Variants in DSCAML1 observed in about 807,000 individuals in gnomAD.
DSCAML1 encodes the protein DS cell adhesion molecule like 1.
DSCAML1 carries 38 observed loss-of-function variants against 200.5 expected under a neutral mutation model. That is an observed-to-expected ratio of 0.19 (90% CI 0.15 to 0.25). DSCAML1 has a LOEUF of 0.25. Among genes scored for constraint, DSCAML1 ranks in the 10% least tolerant of loss-of-function variants. The pLI is 1.00. For synonymous variants in DSCAML1, 1,215 were observed against 1,165.0 expected (o/e 1.04, Z -0.87); for missense variants, 2,223 against 2,858.8 (o/e 0.78, Z 5.07).
At chr11:117,782,293 T>C (rs1288500750) in intron 1 of DSCAML1, among the ~76,000 whole-genome samples, 1 of 152,136 alleles carries the variant, frequency 6.6e-6, no homozygotes, top group African/African-American at 2.4e-5. Context: ...ATTCACATCG[T>C]CTCATAAAAG....
intron 3 of DSCAML1, among the ~76,000 whole-genome samples, chr11:117,722,900 C>T (rs1408131821): frequency 6.6e-6 from 1 of 152,172 alleles, no homozygotes; most frequent in Non-Finnish European, 1.5e-5. Flanking sequence ...CATCTCATGT[C>T]CTACCCATAA....
intron 1 of DSCAML1, among the ~76,000 whole-genome samples, chr11:117,787,454 C>T (rs2055378669): frequency 1.3e-5 from 2 of 152,204 alleles, no homozygotes; most frequent in African/African-American, 4.8e-5. Context: ...GGTTCTCAAA[C>T]ATCAGTATGC....
chr11:117,696,388 G>A (rs1327684505), intron 3 of DSCAML1, among the ~76,000 whole-genome samples: 1 of 152,194 alleles, frequency 6.6e-6, no homozygotes, highest in Non-Finnish European at 1.5e-5. Context: ...ATGAAGTGGG[G>A]ATTGAAGAAA....
At chr11:117,467,219 A>G (rs2048601560) in intron 16 of DSCAML1, among the ~76,000 whole-genome samples, 1 of 91,106 alleles carries the variant, frequency 1.1e-5, no homozygotes, top group Non-Finnish European at 1.9e-5. Flanking sequence ...CGCCGCCAAT[A>G]TATCCATTCA....
intron 3 of DSCAML1, among the ~76,000 whole-genome samples, chr11:117,753,644 G>T (rs1349369775): frequency 6.6e-6 from 1 of 152,186 alleles, no homozygotes; most frequent in Non-Finnish European, 1.5e-5. Context: ...CAAGTGTGAT[G>T]CGTGGCTAAG....
At chr11:117,551,954 T>C (rs575000648) in intron 3 of DSCAML1, among the ~76,000 whole-genome samples, 1 of 150,528 alleles carries the variant, frequency 6.6e-6, no homozygotes, top group East Asian at 2.0e-4. Context: ...TCTCCGTGGC[T>C]AATCCTGTTA....
intron 3 of DSCAML1, among the ~76,000 whole-genome samples, chr11:117,776,109 G>A (rs10160554): frequency 0.63 from 95,592 of 152,020 alleles, 32,881 homozygotes; most frequent in East Asian, 0.82. Context: ...CCTCTCTTGG[G>A]GCTTCTATAC....
intron 3 of DSCAML1, among the ~76,000 whole-genome samples, chr11:117,535,002 C>G (rs962347932): frequency 6.6e-6 from 1 of 152,190 alleles, no homozygotes. Context: ...TTGCCCCTCC[C>G]TCCCTCCTTT....
At chr11:117,764,151 G>T (rs899203630) in intron 3 of DSCAML1, among the ~76,000 whole-genome samples, 2 of 152,028 alleles carry the variant, frequency 1.3e-5, no homozygotes, top group African/African-American at 4.8e-5. Context: ...CCCTAACAGG[G>T]CTCATGAAAC....
intron 18 of DSCAML1, among the ~76,000 whole-genome samples, 189 bp downstream of exon 18, chr11:117,461,261 C>T (rs1259472820): frequency 2.6e-5 from 4 of 152,076 alleles, no homozygotes; most frequent in African/African-American, 7.2e-5. Flanking sequence ...ATCCCGAGCC[C>T]CTTCCTCACT....
intron 3 of DSCAML1, among the ~76,000 whole-genome samples, chr11:117,574,124 T>C (rs1383968850): frequency 1.3e-5 from 2 of 152,224 alleles, no homozygotes; most frequent in East Asian, 3.9e-4. Flanking sequence ...TGGGCCACTC[T>C]GGCAGCTGCA....
chr11:117,435,808 G>A lies in DSCAML1; in HGVS notation c.4721-9C>T, dbSNP rs749078609. The A allele has an allele frequency of 5.0e-6, 8 of 1,598,842 alleles. No homozygotes were observed. The highest frequency in any genetic ancestry group is 4.4e-5 in the South Asian group (4 of 90,274). On this transcript the variant is annotated splice_polypyrimidine_tract_variant and intron_variant, in intron 26 of 32. Transcript: ENST00000651296. ...GATGGGTGGAATGGTGCCTGAATGA[G>A]GGCAAAGAATAGAATTAGATGTCCC... is the stretch of plus-strand genomic sequence containing the variant.
chr11:117,764,653 C>T (rs868422783), intron 3 of DSCAML1, among the ~76,000 whole-genome samples: 2 of 152,240 alleles, frequency 1.3e-5, no homozygotes, highest in African/African-American at 4.8e-5. Context: ...TACAGGCTGA[C>T]GGAACCAGAA....
intron 1 of DSCAML1, among the ~76,000 whole-genome samples, chr11:117,803,223 T>C (rs1447340601): frequency 6.6e-6 from 1 of 152,132 alleles, no homozygotes; most frequent in African/African-American, 2.4e-5. Context: ...GAACCAGAAG[T>C]TGTATCACAG....
intron 3 of DSCAML1, among the ~76,000 whole-genome samples, chr11:117,762,317 T>C (rs1053370964): frequency 6.6e-6 from 1 of 152,176 alleles, no homozygotes. Flanking sequence ...AGGAAACAGA[T>C]AAAACACTCT....
chr11:117,622,711 C>T (rs2051958042), intron 3 of DSCAML1, among the ~76,000 whole-genome samples: 1 of 152,148 alleles, frequency 6.6e-6, no homozygotes, highest in African/African-American at 2.4e-5. Context: ...GACCCAGACT[C>T]TTTAGCAAAA....
intron 3 of DSCAML1, among the ~76,000 whole-genome samples, chr11:117,773,550 C>T (rs2055076322): frequency 6.6e-6 from 1 of 151,824 alleles, no homozygotes; most frequent in African/African-American, 2.4e-5. Context: ...CACACACACA[C>T]ACACACACAC....
intron 3 of DSCAML1, among the ~76,000 whole-genome samples, chr11:117,595,825 G>A (rs58016951): frequency 0.079 from 11,945 of 151,938 alleles, 502 homozygotes; most frequent in Middle Eastern, 0.14. Flanking sequence ...TGCAACCAAC[G>A]TAAGACTGTC....
At position 117,450,708 on chromosome 11, in the gene DSCAML1, G is replaced by A. The variant is rs747978286; in HGVS notation, c.3569-20C>T. On this transcript the variant is annotated intron_variant, in intron 19 of 32. Coordinates refer to ENST00000651296, the MANE Select transcript of DSCAML1 (RefSeq NM_020693.4). ...CTGGAACTGAGCAGGGAGAAGGCCT[G>A]GTCAGTTGAGAGAAAGCAGGAGCAC... is the stretch of plus-strand genomic sequence containing the variant. The A allele has an allele frequency of 5.0e-6, 8 of 1,610,144 alleles. No homozygotes were observed. Among genetic ancestry groups the A allele is most frequent in the Non-Finnish European group, 6.8e-6 (8 of 1,178,434 alleles).
Sources: allele counts gnomAD v4.1 joint callset (sites outside exome capture counted in the v4.1 genomes callset), GRCh38; gene constraint gnomAD v4.1.1; transcripts MANE v1.5; gene names NCBI Gene and HGNC (gene_info 2026-07-23, HGNC 2026-07-21).